CFAP92: variants seen among roughly 807,000 people sequenced by gnomAD.
The protein encoded by CFAP92 is cilia and flagella associated protein 92 (putative).
A neutral mutation model predicts 106.3 loss-of-function variants in CFAP92; 86 were observed. The ratio of observed to expected loss-of-function variants is 0.81; its 90% confidence interval spans 0.68 to 0.97. The LOEUF is 0.97. Ranked by LOEUF, CFAP92 falls within the 50% of genes least tolerant of loss-of-function variation. The probability of loss-of-function intolerance (pLI) is 0.00; values close to 1 mark genes in which losing one functional copy is unlikely to be tolerated. For missense variants in CFAP92, 1,204 were observed against 1,283.8 expected (o/e 0.94, Z 0.95); for synonymous variants, 477 against 506.4 (o/e 0.94, Z 0.78).
In CFAP92 at chr3:128,935,072, G is replaced by C. The variant is rs1938838630; in HGVS notation, c.2453+53C>G. 2.8e-6 allele frequency: 4 copies of C among 1,415,004 alleles called. No individual in the cohort carries two copies. The African/African-American group carries it at 4.3e-5, about 15-fold the overall frequency. The allele number at this position is 1,415,004 out of a possible 1,614,324, so 87.7% of individuals were successfully genotyped here. A position where few individuals can be genotyped will look rare whatever the true frequency, so the allele number is the denominator to read the frequency against. On this transcript the variant is annotated intron_variant, in intron 11 of 15. Transcript: ENST00000645291. Reference sequence around the variant, plus strand: ...TGCCTGTTTGGGTGCAGAGTGTTAAGAAGTGCCCCTCCCGCCGGGGCGCAG... The same window carrying C: ...TGCCTGTTTGGGTGCAGAGTGTTAACAAGTGCCCCTCCCGCCGGGGCGCAG...
At chr3:128,965,754 G>A (rs779435312) in intron 8 of CFAP92, 59 bp from the exon 9 acceptor site, 42 of 397,190 alleles carry the variant, frequency 1.1e-4, no homozygotes, top group Non-Finnish European at 1.7e-4. Context: ...GACACGCACA[G>A]AGGGATCAAG....
chr3:128,931,692 C>T (rs1938412922), intron 12 of CFAP92, among the ~76,000 whole-genome samples: 1 of 151,926 alleles, frequency 6.6e-6, no homozygotes, highest in African/African-American at 2.4e-5. Flanking sequence ...AATCCAAGAA[C>T]TGATTCTTTT....
At chr3:128,995,177 A>C (rs923826960), upstream of CFAP92, among the ~76,000 whole-genome samples, 6 of 152,324 alleles carry the variant, frequency 3.9e-5, no homozygotes, top group Middle Eastern at 3.4e-3. Context: ...ACTTTGTGTC[A>C]AAGAGCAAAA....
Position 128,909,874 on chromosome 3 carries a change from C to T in CFAP92, c.*425G>A. The T allele has an allele frequency of 3.4e-6, 4 of 1,177,948 alleles. No homozygotes were observed. The highest frequency in any genetic ancestry group is 4.9e-6 in the Non-Finnish European group (4 of 811,950). 73.0% of individuals were successfully genotyped at this position (1,177,948 alleles called of 1,614,324 possible). A position where few individuals can be genotyped will look rare whatever the true frequency, so the allele number is the denominator to read the frequency against. On this transcript the variant is annotated 3_prime_UTR_variant, in exon 16 of 16. Coordinates refer to ENST00000645291, the MANE Select transcript of CFAP92 (RefSeq NM_001394090.1). Reference sequence around the variant, plus strand: ...ACAGAAGGTGGCTGGGAGCCGTTCTCCCACAACCTGAAGAGAAAGGTGTTA... The same window carrying T: ...ACAGAAGGTGGCTGGGAGCCGTTCTTCCACAACCTGAAGAGAAAGGTGTTA...
upstream of CFAP92, chr3:129,003,777 C>A (rs1944919793): frequency 7.0e-7 from 1 of 1,421,316 alleles, no homozygotes; most frequent in Non-Finnish European, 9.2e-7. Context: ...CCTGCCCCTG[C>A]TGCCCTGTCC....
intron 7 of CFAP92, among the ~76,000 whole-genome samples, chr3:128,972,550 C>CT (rs910183361): frequency 6.3e-4 from 95 of 150,820 alleles, no homozygotes; most frequent in African/African-American, 2.0e-3. Context: ...CCTCTTTTTT[C>CT]TTTTTTTTAA....
intron 1 of CFAP92, chr3:129,002,388 T>C: frequency 6.8e-7 from 1 of 1,474,192 alleles, no homozygotes; most frequent in South Asian, 1.3e-5. Flanking sequence ...AAAAGCTGGC[T>C]GGCTGCGGAG....
chr3:128,972,779 T>C (rs569721094), intron 7 of CFAP92, among the ~76,000 whole-genome samples: 29 of 150,584 alleles, frequency 1.9e-4, no homozygotes, highest in Admixed American at 7.3e-4. Flanking sequence ...CACTTGAACC[T>C]GGGAGGCAGA....
At chr3:128,984,404 G>C (rs1171730910) in intron 4 of CFAP92, among the ~76,000 whole-genome samples, 1 of 152,184 alleles carries the variant, frequency 6.6e-6, no homozygotes, top group African/African-American at 2.4e-5. Flanking sequence ...AACATGGAAG[G>C]AGCTGACTTC....
chr3:128,950,226 A>AC (rs946277263), intron 9 of CFAP92, among the ~76,000 whole-genome samples: 2 of 151,584 alleles, frequency 1.3e-5, no homozygotes. Context: ...CTAGACCCTG[A>AC]CCCCCCAGGC....
intron 9 of CFAP92, among the ~76,000 whole-genome samples, chr3:128,962,634 C>T (rs534847874): frequency 2.5e-4 from 38 of 152,226 alleles, no homozygotes; most frequent in South Asian, 6.2e-4. Flanking sequence ...CAACTGATCA[C>T]GCACCCCTTA....
At chr3:128,952,180 G>T (rs13068128) in intron 9 of CFAP92, among the ~76,000 whole-genome samples, 19,697 of 149,328 alleles carry the variant, frequency 0.13, 1,406 homozygotes, top group Middle Eastern at 0.17. Context: ...ATCCAGGCTG[G>T]AGTGCAGTGG....
intron 12 of CFAP92, among the ~76,000 whole-genome samples, chr3:128,916,987 A>G (rs1264806939): frequency 1.3e-5 from 2 of 152,198 alleles, no homozygotes; most frequent in East Asian, 3.9e-4. Flanking sequence ...ACCTTAGCTC[A>G]ACTACAGTGG....
intron 7 of CFAP92, among the ~76,000 whole-genome samples, chr3:128,974,993 G>A (rs1235208826): frequency 2.6e-5 from 4 of 151,838 alleles, no homozygotes; most frequent in South Asian, 2.1e-4. Flanking sequence ...GGTGGCGGGC[G>A]CCTGTAGTCC....
chr3:128,939,264 G>A (rs75349846), intron 10 of CFAP92, among the ~76,000 whole-genome samples: 7,271 of 151,920 alleles, frequency 0.048, 355 homozygotes, highest in African/African-American at 0.12. Context: ...TCAGCCTCCC[G>A]AGTAGCTGGG....
chr3:128,964,014 G>T (rs1266582103), intron 9 of CFAP92, among the ~76,000 whole-genome samples: 1 of 152,096 alleles, frequency 6.6e-6, no homozygotes, highest in Non-Finnish European at 1.5e-5. Flanking sequence ...GTCTGAGAAG[G>T]CCACCGCAGT....
Position 128,916,092 on chromosome 3 carries a change from G to A in CFAP92, c.2916+15C>T. The A allele has an allele frequency of 1.6e-6, 2 of 1,232,162 alleles. No individual in the cohort carries two copies. Among genetic ancestry groups the A allele is most frequent in the East Asian group, 6.3e-5 (2 of 31,718 alleles). 76.3% of individuals were successfully genotyped at this position (1,232,162 alleles called of 1,614,324 possible). ...GGGATTTGCCAACTGCCATCATCCT[G>A]TCTGGGTCTCTCACCTTGGCTATCT... On this transcript the variant is annotated intron_variant, in intron 13 of 15. Transcript: ENST00000645291.
At position 128,966,221 on chromosome 3, in the gene CFAP92, A is replaced by C. The variant is rs184031982; in HGVS notation, c.1169-526T>G. ...TCCTTCCCCACACAAGCCGCATTCC[A>C]AATGCCCAGTACCCTCATGTGGCTA... On this transcript the variant is annotated intron_variant, in intron 8 of 15. Transcript: ENST00000645291. Among the ~76,000 whole-genome samples the C allele has an allele frequency of 1.1e-4, 17 of 152,382 alleles. No homozygotes were observed. The East Asian group carries it at 2.9e-3, about 26-fold the overall frequency.
intron 9 of CFAP92, among the ~76,000 whole-genome samples, chr3:128,956,994 A>AAAAAAAAAAAG (rs377096690): frequency 7.7e-6 from 1 of 129,060 alleles, no homozygotes; most frequent in Non-Finnish European, 1.6e-5. Flanking sequence ...AAAAAAAAAA[A>AAAAAAAAAAAG]AAAGAAATCA....
Sources: allele counts gnomAD v4.1 joint callset (sites outside exome capture counted in the v4.1 genomes callset), GRCh38; gene constraint gnomAD v4.1.1; transcripts MANE v1.5; gene names NCBI Gene and HGNC (gene_info 2026-07-23, HGNC 2026-07-21).